The following KCNMA1 variants were observed in gnomAD, a reference collection of about 807,000 sequenced individuals.
The protein encoded by KCNMA1 is Calcium-activated potassium channel subunit alpha-1.
A neutral mutation model predicts 140.0 loss-of-function variants in KCNMA1; 29 were observed. The observed-to-expected ratio is 0.21, with a 90% CI of 0.15 to 0.28. KCNMA1 has a LOEUF of 0.28. Among genes scored for constraint, KCNMA1 ranks in the 10% least tolerant of loss-of-function variants. The probability of loss-of-function intolerance (pLI) is 1.00; values close to 1 mark genes in which losing one functional copy is unlikely to be tolerated. For missense variants in KCNMA1, 880 were observed against 1,602.2 expected (o/e 0.55, Z 7.70); for synonymous variants, 612 against 611.9 (o/e 1.00, Z 0.00).
intron 2 of KCNMA1, among the ~76,000 whole-genome samples, chr10:77,371,775 C>T (rs2094737793): frequency 6.6e-6 from 1 of 152,208 alleles, no homozygotes; most frequent in South Asian, 2.1e-4. Flanking sequence ...TGCACTTATT[C>T]AATCTCTTCT....
intron 3 of KCNMA1, among the ~76,000 whole-genome samples, chr10:77,199,187 CT>C (rs1041836575): frequency 6.6e-6 from 1 of 152,200 alleles, no homozygotes; most frequent in African/African-American, 2.4e-5. Flanking sequence ...TGAATGACAT[CT>C]TTTCAAAGGA....
chr10:76,961,698 C>T (rs2071518909), intron 20 of KCNMA1, among the ~76,000 whole-genome samples: 1 of 152,110 alleles, frequency 6.6e-6, no homozygotes. Context: ...AGCTACCACC[C>T]CCCGATCAGA....
At chr10:77,234,744 G>A (rs1366147766) in intron 3 of KCNMA1, among the ~76,000 whole-genome samples, 1 of 152,148 alleles carries the variant, frequency 6.6e-6, no homozygotes, top group Non-Finnish European at 1.5e-5. Flanking sequence ...TTACAGTTAA[G>A]GGAACTAAGC....
rs543067170 is a variant in KCNMA1 at position 76,992,300 on chromosome 10, G to A, written c.2266+9107C>T. Among the ~76,000 whole-genome samples, 203 of 152,310 alleles carry A rather than the reference G, an allele frequency of 1.3e-3. 1 individual carries two copies. The highest frequency in any genetic ancestry group is 2.3e-3 in the Non-Finnish European group (158 of 68,026). On this transcript the variant is annotated intron_variant, in intron 19 of 27. Coordinates refer to ENST00000286628, the MANE Select transcript of KCNMA1 (RefSeq NM_001161352.2). ...GAATGTCTCCTCAGAATAAAAATCTGTGGGCATGTGTAGCAATCTCCCTCC... is the reference window on the plus strand; with the variant it reads ...GAATGTCTCCTCAGAATAAAAATCTATGGGCATGTGTAGCAATCTCCCTCC...
intron 3 of KCNMA1, among the ~76,000 whole-genome samples, chr10:77,190,823 A>G (rs2098932854): frequency 1.3e-5 from 2 of 152,140 alleles, no homozygotes; most frequent in African/African-American, 4.8e-5. Flanking sequence ...TCTTCTGCTT[A>G]TAGAGGGATA....
chr10:77,149,104 A>G (rs1010991697), intron 5 of KCNMA1, among the ~76,000 whole-genome samples: 2 of 152,236 alleles, frequency 1.3e-5, no homozygotes, highest in South Asian at 4.1e-4. Flanking sequence ...GGTATAATCC[A>G]TCGTGCCTAG....
intron 19 of KCNMA1, among the ~76,000 whole-genome samples, chr10:76,996,386 A>G (rs2084332326): frequency 6.6e-6 from 1 of 152,204 alleles, no homozygotes; most frequent in Non-Finnish European, 1.5e-5. Context: ...CCTGCTACCA[A>G]TAAGAGTGTC....
chr10:77,112,455 C>T lies in KCNMA1; in HGVS notation c.885-13G>A. On this transcript the variant is annotated splice_polypyrimidine_tract_variant and intron_variant, in intron 6 of 27. Transcript: ENST00000286628. ...CTTGATGGAATTACTGTGCAAGAGA[C>T]AACAAGCAAAATCCCCACGTTACCA... 1.2e-6 allele frequency: 2 copies of T among 1,609,690 alleles called. No homozygotes were observed. Among genetic ancestry groups the T allele is most frequent in the Non-Finnish European group, 1.7e-6 (2 of 1,176,100 alleles).
chr10:77,017,291 C>CT (rs2092241690), intron 17 of KCNMA1, among the ~76,000 whole-genome samples: 1 of 152,156 alleles, frequency 6.6e-6, no homozygotes, highest in Non-Finnish European at 1.5e-5. Flanking sequence ...GCCTCCTGTA[C>CT]TTGGTGCTGA....
At chr10:77,244,400 C>T (rs940218947) in intron 3 of KCNMA1, among the ~76,000 whole-genome samples, 10 of 152,180 alleles carry the variant, frequency 6.6e-5, no homozygotes, top group Non-Finnish European at 1.0e-4. Context: ...CCAATGAAAG[C>T]CAAAGATAAG....
chr10:77,235,397 T>G (rs2055070791), intron 3 of KCNMA1, among the ~76,000 whole-genome samples: 1 of 152,164 alleles, frequency 6.6e-6, no homozygotes, highest in South Asian at 2.1e-4. Flanking sequence ...GATATTCTCC[T>G]TACTAAAGTT....
At chr10:77,085,187 T>C (rs1429233845) in intron 11 of KCNMA1, among the ~76,000 whole-genome samples, 2 of 152,192 alleles carry the variant, frequency 1.3e-5, no homozygotes, top group African/African-American at 4.8e-5. Flanking sequence ...TCATCTGACC[T>C]TTTTCACATC....
At position 77,272,635 on chromosome 10, in the gene KCNMA1, A is replaced by AATATAT. The variant is rs376246850; in HGVS notation, c.541-21385_541-21380dup. ...AAATAATAATTTTTAAAATGAAGTA[A>AATATAT]ATATATATATATATACACATGCATC... is the stretch of plus-strand genomic sequence containing the variant. On this transcript the variant is annotated intron_variant, in intron 2 of 27. Transcript: ENST00000286628. 3.8e-3 allele frequency among the ~76,000 whole-genome samples: 575 copies of AATATAT among 150,676 alleles called. 6 individuals carry two copies. The highest frequency in any genetic ancestry group is 0.014 in the Middle Eastern group (4 of 286).
chr10:77,249,241 T>C (rs531122727), intron 3 of KCNMA1, among the ~76,000 whole-genome samples: 12 of 152,170 alleles, frequency 7.9e-5, no homozygotes, highest in Non-Finnish European at 1.6e-4. Context: ...CCCAGTGCCA[T>C]CTTCGCCAAG....
intron 2 of KCNMA1, among the ~76,000 whole-genome samples, chr10:77,389,078 T>C (rs1656478649): frequency 6.6e-6 from 1 of 152,238 alleles, no homozygotes; most frequent in African/African-American, 2.4e-5. Flanking sequence ...TTGGAAACAC[T>C]TGAAATAGCC....
At chr10:77,514,633 A>G (rs569650412) in intron 1 of KCNMA1, among the ~76,000 whole-genome samples, 186 of 152,306 alleles carry the variant, frequency 1.2e-3, no homozygotes, top group Non-Finnish European at 2.2e-3. Flanking sequence ...AGAGAGAACC[A>G]TCTCAGACAT....
chr10:76,917,682 T>A (rs2053539081), intron 23 of KCNMA1, among the ~76,000 whole-genome samples: 1 of 152,228 alleles, frequency 6.6e-6, no homozygotes, highest in African/African-American at 2.4e-5. Flanking sequence ...AAAAGTGTGC[T>A]TTTATTGCTA....
At chr10:77,506,854 T>A (rs1428705740) in intron 1 of KCNMA1, among the ~76,000 whole-genome samples, 304 of 150,330 alleles carry the variant, frequency 2.0e-3, no homozygotes, top group African/African-American at 5.2e-3. Flanking sequence ...TGTGTGTGTG[T>A]GTGTGTGTGT....
intron 1 of KCNMA1, among the ~76,000 whole-genome samples, chr10:77,467,890 TC>T (rs1418001124): frequency 6.6e-6 from 1 of 152,264 alleles, no homozygotes; most frequent in East Asian, 1.9e-4. Flanking sequence ...TAAACTTTTA[TC>T]CTGTTACCAG....
Sources: gnomAD v4.1 joint callset for allele counts (sites outside exome capture counted in the v4.1 genomes callset) on GRCh38, gnomAD v4.1.1 for gene constraint, MANE v1.5 for transcripts, NCBI Gene and HGNC (gene_info 2026-07-23, HGNC 2026-07-21) for gene names.